Variants in TBC1D12 observed in about 807,000 individuals in gnomAD.
The protein encoded by TBC1D12 is TBC1 domain family, member 12.
In TBC1D12, 56 loss-of-function variants were observed where a neutral mutation model predicts 86.7. That is an observed-to-expected ratio of 0.65 (90% CI 0.52 to 0.81). TBC1D12 has a LOEUF of 0.81. TBC1D12 is among the 30% of genes least tolerant of loss of function. The pLI is 0.00. For missense variants in TBC1D12, 1,023 were observed against 1,038.8 expected (o/e 0.98, Z 0.21); for synonymous variants, 421 against 411.7 (o/e 1.02, Z -0.27).
At position 94,489,401 on chromosome 10, in the gene TBC1D12, T is replaced by G. The variant is rs377467986; in HGVS notation, c.1212-3964T>G. Among the ~76,000 whole-genome samples the G allele has an allele frequency of 4.6e-4, 70 of 152,308 alleles. No homozygotes were observed. In the East Asian group the frequency reaches 0.012, roughly 26 times the overall value. ...GCCAGGGGTTGGGGGAGGGGTGGTGTTGGCAATTTAAGACTGTCTTTCCTA... is the reference window on the plus strand; with the variant it reads ...GCCAGGGGTTGGGGGAGGGGTGGTGGTGGCAATTTAAGACTGTCTTTCCTA... On this transcript the variant is annotated intron_variant, in intron 3 of 12. Transcript: ENST00000225235.
chr10:94,435,676 A>C (rs2055283898), intron 1 of TBC1D12, among the ~76,000 whole-genome samples: 1 of 152,210 alleles, frequency 6.6e-6, no homozygotes, highest in Non-Finnish European at 1.5e-5. Context: ...CTTTGAACAG[A>C]ACTCATTACT....
At chr10:94,486,259 C>T (rs113936091) in intron 3 of TBC1D12, among the ~76,000 whole-genome samples, 242 of 151,586 alleles carry the variant, frequency 1.6e-3, no homozygotes, top group African/African-American at 5.5e-3. Flanking sequence ...GCCATCTTCC[C>T]ACCTCAGCCT....
intron 1 of TBC1D12, among the ~76,000 whole-genome samples, chr10:94,416,961 T>C (rs2055007411): frequency 6.6e-6 from 1 of 152,190 alleles, no homozygotes; most frequent in South Asian, 2.1e-4. Flanking sequence ...ATGAGGTATG[T>C]GTCAAAAACT....
intron 10 of TBC1D12, 48 bp downstream of exon 10, chr10:94,522,131 C>G: frequency 1.3e-6 from 2 of 1,571,566 alleles, no homozygotes; most frequent in Non-Finnish European, 8.7e-7. Flanking sequence ...TGAATGCCCT[C>G]TTAGAGTGAA....
intron 12 of TBC1D12, among the ~76,000 whole-genome samples, chr10:94,532,316 T>A (rs557689875): frequency 6.6e-6 from 1 of 152,208 alleles, no homozygotes; most frequent in South Asian, 2.1e-4. Flanking sequence ...TAGCTGGGAT[T>A]ACAGGCACAT....
At chr10:94,407,392 T>C (rs1277504803) in intron 1 of TBC1D12, among the ~76,000 whole-genome samples, 1 of 152,104 alleles carries the variant, frequency 6.6e-6, no homozygotes, top group East Asian at 1.9e-4. Flanking sequence ...CTATAAAAAT[T>C]GAAATGCAGC....
chr10:94,514,067 G>C (rs1188480012), intron 9 of TBC1D12, among the ~76,000 whole-genome samples: 3 of 150,046 alleles, frequency 2.0e-5, no homozygotes, highest in African/African-American at 7.3e-5. Context: ...AAAAAAACAG[G>C]CCAGGCATGG....
At chr10:94,467,679 G>A (rs980643135) in intron 2 of TBC1D12, among the ~76,000 whole-genome samples, 1 of 151,720 alleles carries the variant, frequency 6.6e-6, no homozygotes, top group Non-Finnish European at 1.5e-5. Flanking sequence ...TTCAATGCAT[G>A]TCCTGAATAA....
intron 3 of TBC1D12, among the ~76,000 whole-genome samples, chr10:94,490,575 T>C (rs1274575329): frequency 2.0e-5 from 3 of 152,244 alleles, no homozygotes; most frequent in Non-Finnish European, 4.4e-5. Flanking sequence ...TTCACATCTC[T>C]GTTTTTATTG....
chr10:94,433,260 A>G, intron 1 of TBC1D12, among the ~76,000 whole-genome samples: 1 of 152,122 alleles, frequency 6.6e-6, no homozygotes. Flanking sequence ...CTGGGATTAC[A>G]GGTGCGTGCC....
intron 1 of TBC1D12, among the ~76,000 whole-genome samples, chr10:94,405,461 T>C (rs2054841280): frequency 6.6e-6 from 1 of 152,214 alleles, no homozygotes; most frequent in Non-Finnish European, 1.5e-5. Flanking sequence ...AGTAATGACA[T>C]CTGTATTTGT....
intron 9 of TBC1D12, among the ~76,000 whole-genome samples, chr10:94,520,180 T>C (rs148397257): frequency 2.0e-5 from 3 of 152,342 alleles, no homozygotes; most frequent in East Asian, 1.9e-4. Flanking sequence ...ATAAGTATCA[T>C]TGGTCATACT....
At chr10:94,468,902 T>G (rs767574382) in intron 2 of TBC1D12, among the ~76,000 whole-genome samples, 2 of 152,240 alleles carry the variant, frequency 1.3e-5, no homozygotes, top group Non-Finnish European at 2.9e-5. Flanking sequence ...TCAAGTTGAT[T>G]GATAACAGTG....
intron 1 of TBC1D12, among the ~76,000 whole-genome samples, chr10:94,439,273 C>T (rs2055347099): frequency 6.6e-6 from 1 of 152,106 alleles, no homozygotes; most frequent in Non-Finnish European, 1.5e-5. Context: ...TGTGTCATAT[C>T]CAATAATTAT....
chr10:94,457,511 C>T (rs1407783784), intron 2 of TBC1D12, among the ~76,000 whole-genome samples: 2 of 152,146 alleles, frequency 1.3e-5, no homozygotes, highest in Non-Finnish European at 2.9e-5. Flanking sequence ...AACTCTTGGC[C>T]TCAAATGGTC....
intron 9 of TBC1D12, among the ~76,000 whole-genome samples, chr10:94,515,873 A>G (rs1410783445): frequency 6.6e-6 from 1 of 151,932 alleles, no homozygotes; most frequent in African/African-American, 2.4e-5. Context: ...ACAACAGTTG[A>G]TCTTATAACC....
In TBC1D12 at chr10:94,402,690, T is replaced by G. The variant is rs767164988; in HGVS notation, c.77T>G (p.Val26Gly). The change falls in exon 1 of 13, where the codon GTG (valine) becomes GGG (glycine). Residue 26 changes from valine (V) to glycine (G), a missense_variant. This residue lies in a region of TBC1D12 where 628 missense variants were observed against 531.1 expected (regional missense o/e 1.18). Coordinates refer to ENST00000225235, the MANE Select transcript of TBC1D12 (RefSeq NM_015188.2). The part of the protein sequence containing the change: ...KLLPVPAPDP[V>G]GQDRKVIRAT... Reference sequence around the variant, plus strand: ...CTCCCGGTGCCTGCGCCGGACCCCGTGGGCCAGGACAGGAAGGTAATCCGG... The same window carrying G: ...CTCCCGGTGCCTGCGCCGGACCCCGGGGGCCAGGACAGGAAGGTAATCCGG... 3 of 1,602,480 alleles carry G rather than the reference T, an allele frequency of 1.9e-6. No homozygotes were observed. The Admixed American group carries it at 5.1e-5, about 27-fold the overall frequency.
chr10:94,442,070 C>G, intron 2 of TBC1D12, 51 bp downstream of exon 2: 1 of 1,413,594 alleles, frequency 7.1e-7, no homozygotes, highest in East Asian at 2.7e-5. Context: ...AAGCATTCTT[C>G]TTCTTCTTCT....
At position 94,403,209 on chromosome 10, in the gene TBC1D12, T is replaced by A. The variant is rs772907875; in HGVS notation, c.596T>A (p.Leu199Gln). 10 of 1,503,760 alleles carry A rather than the reference T, an allele frequency of 6.6e-6. No individual in the cohort carries two copies. Among genetic ancestry groups the A allele is most frequent in the Non-Finnish European group, 8.9e-6 (10 of 1,128,638 alleles). The allele number at this position is 1,503,760 out of a possible 1,614,324, so 93.2% of individuals were successfully genotyped here. A position where few individuals can be genotyped will look rare whatever the true frequency, so the allele number is the denominator to read the frequency against. ...SDWASPLEDP[L>Q]RSCCLVAADA... Reference sequence around the variant, plus strand: ...TGGGCCTCTCCGCTTGAGGACCCGCTGCGGAGCTGCTGCCTGGTGGCCGCG... The same window carrying A: ...TGGGCCTCTCCGCTTGAGGACCCGCAGCGGAGCTGCTGCCTGGTGGCCGCG... The change falls in exon 1 of 13, where the codon CTG (leucine) becomes CAG (glutamine). Residue 199 changes from leucine to glutamine, a missense_variant. Around this residue, in one of 2 missense-constraint regions of TBC1D12, gnomAD observed 628 missense variants for 531.1 expected, o/e 1.18. Transcript: ENST00000225235.
Sources: allele counts gnomAD v4.1 joint callset (sites outside exome capture counted in the v4.1 genomes callset), GRCh38; gene constraint gnomAD v4.1.1; regional missense constraint gnomAD v4.1.1; transcripts MANE v1.5; gene names NCBI Gene and HGNC (gene_info 2026-07-23, HGNC 2026-07-21).